The following GNA14 variants were observed in gnomAD, a reference collection of about 807,000 sequenced individuals.
The protein encoded by GNA14 is guanine nucleotide-binding protein subunit alpha-14.
GNA14 carries 50 observed loss-of-function variants against 42.0 expected under a neutral mutation model. The observed-to-expected ratio is 1.19, with a 90% CI of 0.95 to 1.51. The LOEUF (loss-of-function observed/expected upper bound fraction) is 1.51. GNA14 is among the 40% of genes most tolerant of loss of function. GNA14 has a pLI of 0.00. For synonymous variants in GNA14, 173 were observed against 163.1 expected (o/e 1.06, Z -0.46); for missense variants, 473 against 446.2 (o/e 1.06, Z -0.54).
At chr9:77,426,463 C>T (rs1305997277) in intron 5 of GNA14, among the ~76,000 whole-genome samples, 1 of 152,086 alleles carries the variant, frequency 6.6e-6, no homozygotes, top group Non-Finnish European at 1.5e-5. Context: ...TACCACCACA[C>T]CCGGCTAATT....
intron 5 of GNA14, among the ~76,000 whole-genome samples, chr9:77,426,973 G>A (rs968780381): frequency 1.3e-5 from 2 of 152,100 alleles, no homozygotes; most frequent in African/African-American, 2.4e-5. Context: ...AGTACGCATT[G>A]GGGGAATTAC....
chr9:77,531,015 C>T (rs1032855142), intron 1 of GNA14, among the ~76,000 whole-genome samples: 3 of 152,352 alleles, frequency 2.0e-5, no homozygotes, highest in East Asian at 1.9e-4. Flanking sequence ...GGATTTCCTT[C>T]CCCTGCATGC....
intron 1 of GNA14, among the ~76,000 whole-genome samples, chr9:77,562,780 T>G (rs1057310981): frequency 2.0e-5 from 3 of 152,224 alleles, no homozygotes; most frequent in African/African-American, 2.4e-5. Context: ...AAATTTTGTT[T>G]TATTTTTCAA....
intron 2 of GNA14, among the ~76,000 whole-genome samples, chr9:77,444,907 C>T (rs1282367732): frequency 6.6e-6 from 1 of 152,214 alleles, no homozygotes; most frequent in South Asian, 2.1e-4. Context: ...CAGTGCACAG[C>T]GTCCTGCCCC....
Position 77,425,589 on chromosome 9 carries a change from G to A in GNA14, c.850C>T (p.Leu284=), listed in dbSNP as rs149517927. ...GTGTATTCTGGGAAATAGCTAATTA[G>A]ATGAGAGTACATGATTTTCTCTTCC... The part of the protein sequence containing the change: ...LLEEKIMYSH[L]ISYFPEYTGP... The change falls in exon 6 of 7, where the codon CTA becomes TTA. Residue 284 remains leucine, a synonymous_variant. Coordinates refer to ENST00000341700, the MANE Select transcript of GNA14 (RefSeq NM_004297.4). 69 of 1,608,074 alleles carry A rather than the reference G, an allele frequency of 4.3e-5. No homozygotes were observed. Among genetic ancestry groups the A allele is most frequent in the African/African-American group, 6.7e-5 (5 of 74,642 alleles).
At chr9:77,451,685 T>C (rs1395517114) in intron 2 of GNA14, among the ~76,000 whole-genome samples, 1 of 152,224 alleles carries the variant, frequency 6.6e-6, no homozygotes, top group Non-Finnish European at 1.5e-5. Flanking sequence ...CCTGGGACTC[T>C]GGACCACAGG....
intron 2 of GNA14, among the ~76,000 whole-genome samples, chr9:77,449,899 A>T (rs973940371): frequency 6.6e-6 from 1 of 152,150 alleles, no homozygotes; most frequent in African/African-American, 2.4e-5. Context: ...CCTTCTAGAC[A>T]TTCCCTGTGT....
rs568178841 is a variant in GNA14, at chr9:77,616,835, G to C, written c.124+30835C>G. 9.2e-5 allele frequency among the ~76,000 whole-genome samples: 14 copies of C among 152,258 alleles called. No individual in the cohort carries two copies. In the South Asian group the frequency reaches 2.9e-3, roughly 32 times the overall value. On this transcript the variant is annotated intron_variant, in intron 1 of 6. Coordinates refer to ENST00000341700, the MANE Select transcript of GNA14 (RefSeq NM_004297.4). ...CAAAGTCCCTTCTCCAAATGTGTTA[G>C]ATAAAGATGTTAAATCCCTCTAGCC...
At chr9:77,435,584 A>G (rs1161838361) in intron 2 of GNA14, among the ~76,000 whole-genome samples, 1 of 152,116 alleles carries the variant, frequency 6.6e-6, no homozygotes, top group African/African-American at 2.4e-5. Flanking sequence ...ATTATTAAAT[A>G]ATTATTGCTC....
chr9:77,528,931 T>C, intron 2 of GNA14, 138 bp downstream of exon 2: 1 of 712,056 alleles, frequency 1.4e-6, no homozygotes, highest in South Asian at 1.8e-5. Flanking sequence ...TTCCTTAAAC[T>C]CCTCTCAGTG....
chr9:77,562,595 T>C (rs1253128877), intron 1 of GNA14, among the ~76,000 whole-genome samples: 1 of 152,176 alleles, frequency 6.6e-6, no homozygotes, highest in Non-Finnish European at 1.5e-5. Context: ...GGTCTATTCA[T>C]ACGTGGTAAA....
In GNA14 at chr9:77,450,528, C is replaced by T. The variant is rs117739784; in HGVS notation, c.310-16006G>A. Among the ~76,000 whole-genome samples, 729 of 152,206 alleles carry T rather than the reference C, an allele frequency of 4.8e-3. 3 individuals carry two copies. The highest frequency in any genetic ancestry group is 5.2e-3 in the Non-Finnish European group (352 of 68,022). On this transcript the variant is annotated intron_variant, in intron 2 of 6. Coordinates refer to ENST00000341700, the MANE Select transcript of GNA14 (RefSeq NM_004297.4). ...ACTTGTCACCTCCAAATCAAACTGA[C>T]GGCACTTTCACAGTCATTCTCCAAC...
At chr9:77,550,722 T>A (rs1837777289) in intron 1 of GNA14, among the ~76,000 whole-genome samples, 1 of 152,230 alleles carries the variant, frequency 6.6e-6, no homozygotes, top group Non-Finnish European at 1.5e-5. Flanking sequence ...TGTTTACACA[T>A]GGAAGTTCAA....
chr9:77,583,156 C>A (rs1314048144), intron 1 of GNA14, among the ~76,000 whole-genome samples: 1 of 152,210 alleles, frequency 6.6e-6, no homozygotes, highest in Non-Finnish European at 1.5e-5. Context: ...TGGGCTAATT[C>A]TCCCCCAACA....
intron 2 of GNA14, among the ~76,000 whole-genome samples, chr9:77,514,421 C>T (rs1305839210): frequency 6.6e-6 from 1 of 152,064 alleles, no homozygotes; most frequent in African/African-American, 2.4e-5. Context: ...CGAAGGGATG[C>T]AGAGGTAAAC....
chr9:77,647,489 G>A (rs1196954825), intron 1 of GNA14, among the ~76,000 whole-genome samples, 181 bp downstream of exon 1: 2 of 152,184 alleles, frequency 1.3e-5, no homozygotes, highest in African/African-American at 4.8e-5. Context: ...CCCAGCCAGA[G>A]ATGGAAAGAA....
chr9:77,550,484 A>G (rs1370253500), intron 1 of GNA14, among the ~76,000 whole-genome samples: 1 of 152,208 alleles, frequency 6.6e-6, no homozygotes, highest in Non-Finnish European at 1.5e-5. Context: ...CAGATATAAT[A>G]CCCAGGACAA....
At chr9:77,484,540 A>G (rs919517290) in intron 2 of GNA14, among the ~76,000 whole-genome samples, 6 of 152,172 alleles carry the variant, frequency 3.9e-5, no homozygotes, top group African/African-American at 1.4e-4. Context: ...TGTTTCCATT[A>G]GAAAGTAAGA....
intron 2 of GNA14, among the ~76,000 whole-genome samples, chr9:77,506,160 T>C (rs915260817): frequency 6.6e-6 from 1 of 151,586 alleles, no homozygotes; most frequent in Non-Finnish European, 1.5e-5. Flanking sequence ...TGCATGCCTG[T>C]AGTACTACCT....
Sources: allele counts gnomAD v4.1 joint callset (sites outside exome capture counted in the v4.1 genomes callset), GRCh38; gene constraint gnomAD v4.1.1; transcripts MANE v1.5; gene names NCBI Gene and HGNC (gene_info 2026-07-23, HGNC 2026-07-21).